AP3B1: variants seen among roughly 807,000 people sequenced by gnomAD.
AP3B1 encodes the protein AP-3 complex subunit beta-1.
In AP3B1, 61 loss-of-function variants were observed where a neutral mutation model predicts 132.5. The observed-to-expected ratio is 0.46, with a 90% confidence interval of 0.37 to 0.57. The LOEUF is 0.57. Ranked by LOEUF, AP3B1 falls within the 20% of genes least tolerant of loss-of-function variation. AP3B1 has a pLI of 0.00. For synonymous variants in AP3B1, 388 were observed against 438.3 expected, an observed-to-expected ratio of 0.89 and a Z score of 1.43; for missense variants, 1,120 against 1,289.4, an observed-to-expected ratio of 0.87 and a Z score of 2.01.
chr5:78,122,661 G>A (rs987153334), intron 17 of AP3B1, among the ~76,000 whole-genome samples: 6 of 152,122 alleles, frequency 3.9e-5, no homozygotes, highest in Non-Finnish European at 7.4e-5. Flanking sequence ...ACCTCTTCAA[G>A]GAGAACTACA....
chr5:78,171,935 G>GT (rs1167769253), intron 11 of AP3B1, among the ~76,000 whole-genome samples: 1 of 152,160 alleles, frequency 6.6e-6, no homozygotes, highest in Admixed American at 6.5e-5. Flanking sequence ...TTTATTGCGT[G>GT]TTTTTAGCAT....
rs6873309 is a variant in AP3B1, at chr5:78,165,742, A to G, written c.1168-70T>C. On this transcript the variant is annotated intron_variant, in intron 11 of 26. Transcript: ENST00000255194. ...GCAAGATGAATTTAATAGAGTACAG[A>G]CATTTAATTGAAAGTTTATTTCTAC... 55,736 of 1,037,722 alleles carry G rather than the reference A, an allele frequency of 0.054. 3,663 individuals are homozygous for G. The highest frequency in any genetic ancestry group is 0.25 in the African/African-American group (16,073 of 63,284). 64.3% of individuals were successfully genotyped at this position (1,037,722 alleles called of 1,614,324 possible).
intron 2 of AP3B1, among the ~76,000 whole-genome samples, chr5:78,256,229 A>G (rs1277476092): frequency 6.6e-6 from 1 of 152,066 alleles, no homozygotes; most frequent in Non-Finnish European, 1.5e-5. Flanking sequence ...CAATGAAACA[A>G]AAAGCTTTTT....
chr5:78,208,050 AAAAG>A (rs1745582391), intron 7 of AP3B1, among the ~76,000 whole-genome samples: 1 of 152,144 alleles, frequency 6.6e-6, no homozygotes, highest in Non-Finnish European at 1.5e-5. Flanking sequence ...CAGGAAAACC[AAAAG>A]AAAGGAGAGA....
intron 21 of AP3B1, among the ~76,000 whole-genome samples, chr5:78,099,303 G>A (rs1645688177): frequency 6.6e-6 from 1 of 152,228 alleles, no homozygotes; most frequent in Admixed American, 6.5e-5. Flanking sequence ...AAGAGTAGGT[G>A]ACTTCTGAGT....
chr5:78,167,879 G>A (rs955286103), intron 11 of AP3B1, among the ~76,000 whole-genome samples: 1 of 151,806 alleles, frequency 6.6e-6, no homozygotes, highest in African/African-American at 2.4e-5. Context: ...AGGGTGGGGG[G>A]TGGTGAGGAA....
intron 14 of AP3B1, among the ~76,000 whole-genome samples, chr5:78,152,805 G>A (rs1401728030): frequency 6.6e-6 from 1 of 152,008 alleles, no homozygotes; most frequent in Non-Finnish European, 1.5e-5. Flanking sequence ...TTGACCCATT[G>A]GTCATTCAGG....
rs565316001 is a variant in AP3B1, at chr5:78,202,922, T to C, written c.786+13133A>G. Among the ~76,000 whole-genome samples, 6 of 152,338 alleles carry C rather than the reference T, an allele frequency of 3.9e-5. No homozygotes were observed. The South Asian group carries it at 1.2e-3, about 32-fold the overall frequency. On this transcript the variant is annotated intron_variant, in intron 7 of 26. Transcript: ENST00000255194. ...TGTCTGCATCTTACTTTGAAATGCA[T>C]CTAAAACATTGGACTGTTTATACCA...
intron 22 of AP3B1, among the ~76,000 whole-genome samples, chr5:78,059,071 T>C (rs1748935392): frequency 6.6e-6 from 1 of 152,244 alleles, no homozygotes; most frequent in South Asian, 2.1e-4. Flanking sequence ...GCCAATAAGT[T>C]GACTTTGAGA....
intron 3 of AP3B1, among the ~76,000 whole-genome samples, chr5:78,230,244 T>A (rs1345843932): frequency 6.6e-6 from 1 of 152,234 alleles, no homozygotes; most frequent in Non-Finnish European, 1.5e-5. Context: ...GTCAACAATT[T>A]AGATTCAACA....
chr5:78,178,218 A>G (rs146452912), intron 8 of AP3B1, among the ~76,000 whole-genome samples: 1 of 152,372 alleles, frequency 6.6e-6, no homozygotes, highest in African/African-American at 2.4e-5. Context: ...TTAAGTTACA[A>G]TTAAAGAAAC....
chr5:78,259,269 G>T (rs893355971), intron 2 of AP3B1, among the ~76,000 whole-genome samples: 1 of 150,512 alleles, frequency 6.6e-6, no homozygotes, highest in Non-Finnish European at 1.5e-5. Context: ...AAGAAAGAAA[G>T]AAAGACAAAC....
chr5:78,292,924 G>A (rs1004182296), intron 1 of AP3B1, among the ~76,000 whole-genome samples: 5 of 151,476 alleles, frequency 3.3e-5, no homozygotes, highest in African/African-American at 7.3e-5. Context: ...TGTCGCCCAC[G>A]TTTGAGTGCT....
At chr5:78,268,455 A>G (rs1748420094) in intron 1 of AP3B1, among the ~76,000 whole-genome samples, 1 of 152,230 alleles carries the variant, frequency 6.6e-6, no homozygotes. Flanking sequence ...GTGGTCACAC[A>G]TACACACATG....
At chr5:78,220,889 AT>A (rs1001843146) in intron 6 of AP3B1, among the ~76,000 whole-genome samples, 5 of 151,944 alleles carry the variant, frequency 3.3e-5, no homozygotes, top group Non-Finnish European at 5.9e-5. Flanking sequence ...TTTACAAAAA[AT>A]TTTTTTTAAT....
At chr5:78,113,691 T>C in intron 19 of AP3B1, 61 bp downstream of exon 19, 1 of 1,587,426 alleles carries the variant, frequency 6.3e-7, no homozygotes, top group Non-Finnish European at 8.6e-7. Flanking sequence ...AAGAAACATC[T>C]CTGCCTGGGG....
chr5:78,015,551 G>GT lies in AP3B1; in HGVS notation c.2993-4dup, dbSNP rs772790114. 6.2e-7 allele frequency: 1 copy of GT among 1,613,110 alleles called. No homozygotes were observed. The highest frequency in any genetic ancestry group is 8.5e-7 in the Non-Finnish European group (1 of 1,179,598). The stretch of plus-strand genomic sequence containing the variant: ...TTCATTCATTCCTGTTAGCACTCCT[G>GT]TAAAAGCAAAAGAAGGCTCCCTTTT... On this transcript the variant is annotated splice_polypyrimidine_tract_variant and splice_region_variant and intron_variant, in intron 25 of 26. Transcript: ENST00000255194.
intron 23 of AP3B1, 87 bp downstream of exon 23, chr5:78,038,956 T>C (rs1288804956): frequency 1.3e-6 from 1 of 799,836 alleles, no homozygotes; most frequent in Non-Finnish European, 2.0e-6. Context: ...TTTACTATTT[T>C]ACTAAAAAGT....
intron 25 of AP3B1, among the ~76,000 whole-genome samples, chr5:78,019,783 A>G (rs1277674083): frequency 6.6e-6 from 1 of 152,138 alleles, no homozygotes. Context: ...GCAGAGTGCC[A>G]GGAAGCGTGC....
Sources: gnomAD v4.1 joint callset for allele counts (sites outside exome capture counted in the v4.1 genomes callset) on GRCh38, gnomAD v4.1.1 for gene constraint, MANE v1.5 for transcripts, NCBI Gene and HGNC (gene_info 2026-07-23, HGNC 2026-07-21) for gene names.